PPAN: variants seen among roughly 807,000 people sequenced by gnomAD.
The protein encoded by PPAN is peter pan homolog, also known as suppressor of SWI4 1 homolog.
PPAN carries 39 observed loss-of-function variants against 48.5 expected under a neutral mutation model. The observed-to-expected ratio is 0.80, with a 90% CI of 0.62 to 1.05. The LOEUF is 1.05. Ranked by LOEUF, PPAN falls within the 50% of genes least tolerant of loss-of-function variation. The pLI is 0.00. For synonymous variants in PPAN, 315 were observed against 268.6 expected, an observed-to-expected ratio of 1.17 and a Z score of -1.69; for missense variants, 736 against 661.7, an observed-to-expected ratio of 1.11 and a Z score of -1.23.
At position 10,111,152 on chromosome 19, in the gene PPAN, A is replaced by G. The variant is rs755583554; in HGVS notation, c.1409A>G (p.Lys470Arg). The part of the protein sequence containing the change: ...GRGRGRGRPG[K>R]RVA ...GGCCGGGGCCGGGGCCGCCCAGGGAAGAGAGTGGCCTGAGCCCAAGCCGCA... is the reference window on the plus strand; with the variant it reads ...GGCCGGGGCCGGGGCCGCCCAGGGAGGAGAGTGGCCTGAGCCCAAGCCGCA... The change falls in exon 12 of 12, where the codon AAG becomes AGG. Residue 470 changes from lysine to arginine, a missense_variant. Coordinates refer to ENST00000253107, the MANE Select transcript of PPAN (RefSeq NM_020230.7). 1.3e-6 allele frequency: 2 copies of G among 1,594,188 alleles called. No homozygotes were observed. The highest frequency in any genetic ancestry group is 1.3e-5 in the African/African-American group (1 of 74,460).
At chr19:10,108,565 A>G (rs879546589) in intron 5 of PPAN, among the ~76,000 whole-genome samples, 1 of 152,018 alleles carries the variant, frequency 6.6e-6, no homozygotes, top group Non-Finnish European at 1.5e-5. Flanking sequence ...CCTGTGCAAC[A>G]TAGCGAGACC....
rs781463303 is a variant in PPAN, at chr19:10,109,698, T to TC, written c.583dup (p.Arg195ProfsTer4). On this transcript the variant is annotated frameshift_variant, in exon 6 of 12. Coordinates refer to ENST00000253107, the MANE Select transcript of PPAN (RefSeq NM_020230.7). LOFTEE classifies it high-confidence loss of function. Reference sequence around the variant, plus strand: ...AACCCCGACTCCCAGGAGCTGGACTTCCGCCACTAGTGAGTGTCCCAGCAG... The same window carrying TC: ...AACCCCGACTCCCAGGAGCTGGACTTCCCGCCACTAGTGAGTGTCCCAGCAG... 5.0e-6 allele frequency: 8 copies of TC among 1,613,820 alleles called. No individual in the cohort carries two copies. Among genetic ancestry groups the TC allele is most frequent in the East Asian group, 2.2e-5 (1 of 44,882 alleles).
In PPAN at chr19:10,109,977, C is replaced by G; in HGVS notation, c.655C>G (p.Pro219Ala). Reference sequence around the variant, plus strand: ...GAAGAAGCTGCTCCAGGAGAAGTTCCCCAACATGAGCCGCCTGCAGGACAT... The same window carrying G: ...GAAGAAGCTGCTCCAGGAGAAGTTCGCCAACATGAGCCGCCTGCAGGACAT... ...GMKKLLQEKFPNMSRLQDISE... is the reference protein window; with the variant it reads ...GMKKLLQEKFANMSRLQDISE... Residue 219 changes from proline to alanine, a missense_variant, in exon 7 of 12, where the codon CCC becomes GCC. Coordinates refer to ENST00000253107, the MANE Select transcript of PPAN (RefSeq NM_020230.7). The G allele has an allele frequency of 6.2e-7, 1 of 1,614,042 alleles. No individual in the cohort carries two copies. The highest frequency in any genetic ancestry group is 8.5e-7 in the Non-Finnish European group (1 of 1,179,948).
intron 3 of PPAN, 59 bp from the exon 4 acceptor site, chr19:10,107,745 C>T: frequency 1.9e-6 from 3 of 1,613,116 alleles, no homozygotes; most frequent in Non-Finnish European, 2.5e-6. Flanking sequence ...GCAAAGGTGC[C>T]TACTCCGGGC....
Position 10,111,718 on chromosome 19 carries a change from G to A in PPAN, c.*553G>A, listed in dbSNP as rs1331646082. The A allele has an allele frequency of 1.2e-6, 2 of 1,613,782 alleles. No individual in the cohort carries two copies. Among genetic ancestry groups the A allele is most frequent in the East Asian group, 4.5e-5 (2 of 44,880 alleles). Reference sequence around the variant, plus strand: ...AGACACAGGCTGAGGATCGGCACGGGAGCATGGCAGCCAACGTCTCGGGTA... The same window carrying A: ...AGACACAGGCTGAGGATCGGCACGGAAGCATGGCAGCCAACGTCTCGGGTA... On this transcript the variant is annotated 3_prime_UTR_variant, in exon 12 of 12. Coordinates refer to ENST00000253107, the MANE Select transcript of PPAN (RefSeq NM_020230.7).
chr19:10,110,992 C>T lies in PPAN; in HGVS notation c.1249C>T (p.Arg417Trp), dbSNP rs149830208. Residue 417 changes from arginine to tryptophan, a missense_variant, in exon 12 of 12, where the codon CGG (arginine) becomes TGG (tryptophan). By Grantham distance (101) the Arg-to-Trp change is moderately radical. Coordinates refer to ENST00000253107, the MANE Select transcript of PPAN (RefSeq NM_020230.7). This position sits in a 1 kb window ranked among gnomAD's most constrained non-coding sequence, Gnocchi z 5.9. ...KQKRLAKSPG[R>W]KRKRWEMDRG... ...GAAACGGCTTGCCAAGTCTCCAGGGCGGAAGCGGAAGCGGTGGGAAATGGA... is the reference window on the plus strand; with the variant it reads ...GAAACGGCTTGCCAAGTCTCCAGGGTGGAAGCGGAAGCGGTGGGAAATGGA... 1.2e-5 allele frequency: 19 copies of T among 1,613,054 alleles called. No individual in the cohort carries two copies. Among genetic ancestry groups the T allele is most frequent in the African/African-American group, 2.7e-5 (2 of 74,976 alleles).
In PPAN at chr19:10,111,176, C is replaced by T. The variant is rs182555350; in HGVS notation, c.*11C>T. 1,807 of 1,557,182 alleles carry T rather than the reference C, an allele frequency of 1.2e-3. 16 individuals carry two copies. The highest frequency in any genetic ancestry group is 2.6e-4 in the Non-Finnish European group (297 of 1,153,718). ...AAGAGAGTGGCCTGAGCCCAAGCCG[C>T]ACCGGAGCAGCGGCTGGATTGAACG... On this transcript the variant is annotated 3_prime_UTR_variant, in exon 12 of 12. Coordinates refer to ENST00000253107, the MANE Select transcript of PPAN (RefSeq NM_020230.7).
chr19:10,107,771 C>T (rs1214136824), intron 3 of PPAN, 33 bp from the exon 4 acceptor site: 5 of 1,613,756 alleles, frequency 3.1e-6, no homozygotes, highest in Non-Finnish European at 4.2e-6. Flanking sequence ...TGCTAGACCC[C>T]TCCAGAGTCA....
rs199800140 is a variant in PPAN at position 10,110,601 on chromosome 19, C to T, written c.1018C>T (p.Arg340Trp). 3.5e-4 allele frequency: 559 copies of T among 1,603,454 alleles called. 1 individual carries two copies. Among genetic ancestry groups the T allele is most frequent in the Non-Finnish European group, 4.2e-4 (494 of 1,175,730 alleles). ...GAATGTGCAGCGCAAGCAGGAGCAG[C>T]GGGAGGCCCACAGGTCCAGGCAGAG... is the stretch of plus-strand genomic sequence containing the variant. Reference protein sequence around the residue: ...AQNVQRKQEQREAHRKKSLEG... With the variant: ...AQNVQRKQEQWEAHRKKSLEG... The change falls in exon 10 of 12, where the codon CGG becomes TGG. Residue 340 changes from arginine (R) to tryptophan (W), a missense_variant. Physicochemically the swap from Arg to Trp is moderately radical, Grantham distance 101. Transcript: ENST00000253107. The surrounding 1 kb of genome is among the most constrained non-coding windows in gnomAD (Gnocchi z 5.9).
In PPAN at chr19:10,110,263, G is replaced by A. The variant is rs765316057; in HGVS notation, c.822+17G>A. 2 of 1,612,104 alleles carry A rather than the reference G, an allele frequency of 1.2e-6. No homozygotes were observed. Among genetic ancestry groups the A allele is most frequent in the Non-Finnish European group, 1.7e-6 (2 of 1,179,594 alleles). On this transcript the variant is annotated intron_variant, in intron 8 of 11. Coordinates refer to ENST00000253107, the MANE Select transcript of PPAN (RefSeq NM_020230.7). This position sits in a 1 kb window ranked among gnomAD's most constrained non-coding sequence, Gnocchi z 5.9. ...CTCACCGAGGTGAGGCCCAGGGCAG[G>A]GGGACCCCCGGGCTCCACCAGTCCC...
chr19:10,106,526 C>G lies in PPAN; in HGVS notation c.44C>G (p.Ala15Gly), dbSNP rs1311783963. The stretch of plus-strand genomic sequence containing the variant: ...TCCCGGCACCAGAAGCGCGCCCGCG[C>G]CCAGGCGCAGCTCCGCAACCTCGAG... ...GRSRHQKRAR[A>G]QAQLRNLEAY... Residue 15 changes from alanine to glycine, a missense_variant, in exon 2 of 12, where the codon GCC becomes GGC. By Grantham distance (60) the Ala-to-Gly change is moderately conservative. Transcript: ENST00000253107. The G allele has an allele frequency of 6.4e-7, 1 of 1,553,474 alleles. No individual in the cohort carries two copies. The highest frequency in any genetic ancestry group is 8.7e-7 in the Non-Finnish European group (1 of 1,148,542).
rs201425657 is a variant in PPAN, at chr19:10,107,807, C to T, written c.295C>T (p.Leu99=). ...CTGATCTTTTCTTCTCCTGCAGAAG[C>T]TGATGCGCCTCCCAGGAGGCCCCAC... is the stretch of plus-strand genomic sequence containing the variant. ...SKTETNVYFK[L]MRLPGGPTLT... is the part of the protein sequence containing the mutation. The change falls in exon 4 of 12, where the codon CTG becomes TTG. Residue 99 remains leucine, a synonymous_variant. Coordinates refer to ENST00000253107, the MANE Select transcript of PPAN (RefSeq NM_020230.7). 5.6e-6 allele frequency: 9 copies of T among 1,613,644 alleles called. No homozygotes were observed. Among genetic ancestry groups the T allele is most frequent in the Non-Finnish European group, 7.6e-6 (9 of 1,179,706 alleles).
rs1432573203 is a variant in PPAN at position 10,111,908 on chromosome 19, G to A, written c.*743G>A. 6.6e-5 allele frequency among the ~76,000 whole-genome samples: 10 copies of A among 152,032 alleles called. No individual in the cohort carries two copies. Among genetic ancestry groups the A allele is most frequent in the East Asian group, 3.9e-4 (2 of 5,184 alleles). On this transcript the variant is annotated 3_prime_UTR_variant, in exon 12 of 12. Coordinates refer to ENST00000253107, the MANE Select transcript of PPAN (RefSeq NM_020230.7). ...GGGTGGAACACGAGGTCAGGGGTTC[G>A]AGACCACCCTGACCAACAAGGAGAA...
rs189917838 is a variant in PPAN, at chr19:10,111,132, G to A, written c.1389G>A (p.Arg463=). Residue 463 remains arginine, a synonymous_variant, in exon 12 of 12, where the codon CGG becomes CGA. Coordinates refer to ENST00000253107, the MANE Select transcript of PPAN (RefSeq NM_020230.7). ...CTTCCCGGGATGGTGGGCGAGGCCG[G>A]GGCCGGGGCCGCCCAGGGAAGAGAG... ...RGASRDGGRG[R]GRGRPGKRVA is the part of the protein sequence containing the mutation. 9.3e-3 allele frequency: 14,959 copies of A among 1,605,014 alleles called. 126 individuals carry two copies. Among genetic ancestry groups the A allele is most frequent in the Non-Finnish European group, 9.7e-3 (11,440 of 1,176,688 alleles).
rs933811168 is a variant in PPAN, at chr19:10,111,592, G to A, written c.*427G>A. 9.0e-5 allele frequency: 105 copies of A among 1,165,498 alleles called. 2 individuals carry two copies. Among genetic ancestry groups the A allele is most frequent in the South Asian group, 7.1e-4 (56 of 78,950 alleles). 72.2% of individuals were successfully genotyped at this position (1,165,498 alleles called of 1,614,324 possible). On this transcript the variant is annotated 3_prime_UTR_variant, in exon 12 of 12. Coordinates refer to ENST00000253107, the MANE Select transcript of PPAN (RefSeq NM_020230.7). ...GAAGGAAACGTGGGTGGAAAGGCAC[G>A]CTGGCCTGCTCTGCTGGCTGGGCCA... is the stretch of plus-strand genomic sequence containing the variant.
chr19:10,107,569 T>C lies in PPAN; in HGVS notation c.254T>C (p.Phe85Ser), dbSNP rs1454257493. The change falls in exon 3 of 12, where the codon TTT becomes TCT. Residue 85 changes from phenylalanine (F) to serine (S), a missense_variant. Transcript: ENST00000253107. The stretch of plus-strand genomic sequence containing the variant: ...GCTGGGCCCCTCGGGGTCACACACT[T>C]TCTGATCCTGAGCAAAACAGAGACC... ...AVAGPLGVTH[F>S]LILSKTETNV... 5.6e-6 allele frequency: 9 copies of C among 1,614,078 alleles called. No individual in the cohort carries two copies. The highest frequency in any genetic ancestry group is 1.7e-5 in the Admixed American group (1 of 60,006).
chr19:10,110,043 G>C lies in PPAN; in HGVS notation c.698+23G>C, dbSNP rs771587616. ...CACGTGAGGAGGGCATAGGGCGGGA[G>C]GCCACTGCGGCCCGGGGACCCCAGA... On this transcript the variant is annotated intron_variant, in intron 7 of 11. Coordinates refer to ENST00000253107, the MANE Select transcript of PPAN (RefSeq NM_020230.7). The surrounding 1 kb of genome is among the most constrained non-coding windows in gnomAD (Gnocchi z 5.9). The C allele has an allele frequency of 1.3e-5, 21 of 1,612,422 alleles. No individual in the cohort carries two copies. Among genetic ancestry groups the C allele is most frequent in the Non-Finnish European group, 1.8e-5 (21 of 1,179,080 alleles).
At chr19:10,108,170 G>C (rs756527955) in intron 5 of PPAN, 36 bp downstream of exon 5, 12 of 1,578,698 alleles carry the variant, frequency 7.6e-6, no homozygotes, top group African/African-American at 5.4e-5. Flanking sequence ...GGTATGGGGG[G>C]GTGCAGCGGA....
chr19:10,109,104 G>A (rs2145204242), intron 5 of PPAN, among the ~76,000 whole-genome samples: 1 of 152,016 alleles, frequency 6.6e-6, no homozygotes, highest in Non-Finnish European at 1.5e-5. Context: ...TGGGACTACA[G>A]GTGCCCGCCA....
Sources: gnomAD v4.1 joint callset for allele counts (sites outside exome capture counted in the v4.1 genomes callset) on GRCh38, gnomAD v4.1.1 for gene constraint, Gnocchi (gnomAD v3.1) non-coding constraint, MANE v1.5 for transcripts, NCBI Gene and HGNC (gene_info 2026-07-23, HGNC 2026-07-21) for gene names.